ZNF385B: variants seen among roughly 807,000 people sequenced by gnomAD.
ZNF385B encodes the protein zinc finger protein 533.
A neutral mutation model predicts 39.2 loss-of-function variants in ZNF385B; 23 were observed. The ratio of observed to expected loss-of-function variants is 0.59; its 90% CI spans 0.42 to 0.83. The LOEUF (loss-of-function observed/expected upper bound fraction) is 0.83. ZNF385B is among the 40% of genes least tolerant of loss of function. ZNF385B has a pLI of 0.00. For synonymous variants in ZNF385B, 205 were observed against 222.6 expected (o/e 0.92, Z 0.70); for missense variants, 552 against 598.9 (o/e 0.92, Z 0.82).
chr2:179,750,586 T>C (rs913838172), intron 3 of ZNF385B, among the ~76,000 whole-genome samples: 1 of 152,116 alleles, frequency 6.6e-6, no homozygotes. Context: ...AGGTGTAATC[T>C]GACATATTTT....
intron 1 of ZNF385B, chr2:179,802,416 T>TCTA (rs1320301848): frequency 1.3e-5 from 2 of 152,130 alleles, no homozygotes; most frequent in Non-Finnish European, 2.9e-5. Context: ...CATTCTGCTC[T>TCTA]CTACATCTTA....
intron 5 of ZNF385B, among the ~76,000 whole-genome samples, chr2:179,509,113 A>G (rs939901400): frequency 1.8e-4 from 28 of 151,978 alleles, no homozygotes; most frequent in Non-Finnish European, 8.8e-5. Context: ...CGCCAGATTA[A>G]TTTTTTGTAT....
intron 5 of ZNF385B, among the ~76,000 whole-genome samples, chr2:179,498,715 C>A (rs1377167221): frequency 6.6e-6 from 1 of 151,570 alleles, no homozygotes; most frequent in African/African-American, 2.4e-5. Context: ...GTTTTAAGTG[C>A]CTACATCAAA....
intron 3 of ZNF385B, among the ~76,000 whole-genome samples, chr2:179,678,359 T>C (rs1182285354): frequency 6.6e-6 from 1 of 152,202 alleles, no homozygotes; most frequent in Non-Finnish European, 1.5e-5. Context: ...AAGCCTATAT[T>C]TCCCAGCCTC....
chr2:179,614,728 T>G (rs1428613122), intron 3 of ZNF385B, among the ~76,000 whole-genome samples: 3 of 152,198 alleles, frequency 2.0e-5, no homozygotes, highest in Non-Finnish European at 2.9e-5. Context: ...AAAAGCTTGG[T>G]CTTCCGTCAG....
chr2:179,564,972 C>G (rs948800090), intron 3 of ZNF385B, among the ~76,000 whole-genome samples: 1 of 152,172 alleles, frequency 6.6e-6, no homozygotes, highest in Non-Finnish European at 1.5e-5. Flanking sequence ...TGACTTCTCC[C>G]TCTTCCTTGT....
chr2:179,529,274 C>A (rs937339020), intron 4 of ZNF385B, among the ~76,000 whole-genome samples: 1 of 152,070 alleles, frequency 6.6e-6, no homozygotes, highest in Non-Finnish European at 1.5e-5. Flanking sequence ...AGGTAATGAG[C>A]CGAATTATGT....
intron 6 of ZNF385B, among the ~76,000 whole-genome samples, chr2:179,453,710 A>G (rs1421436616): frequency 6.6e-6 from 1 of 152,176 alleles, no homozygotes; most frequent in Non-Finnish European, 1.5e-5. Flanking sequence ...ATGATTTGAA[A>G]GGTGGCCTGG....
At chr2:179,652,460 T>C (rs1008933191) in intron 3 of ZNF385B, among the ~76,000 whole-genome samples, 17 of 152,250 alleles carry the variant, frequency 1.1e-4, no homozygotes, top group African/African-American at 4.1e-4. Flanking sequence ...AAGTGAGTAC[T>C]TACGGGATTC....
chr2:179,518,734 A>ATTCTTTC, intron 4 of ZNF385B, 96 bp from the exon 5 acceptor site: 1 of 666,724 alleles, frequency 1.5e-6, no homozygotes. Flanking sequence ...ATAAAGTTTA[A>ATTCTTTC]ACTTTTAGTT....
At chr2:179,751,621 T>C (rs1331588789) in intron 3 of ZNF385B, among the ~76,000 whole-genome samples, 2 of 133,898 alleles carry the variant, frequency 1.5e-5, no homozygotes, top group African/African-American at 2.6e-5. Flanking sequence ...TTCTTGAATG[T>C]AGAATAGGAA....
intron 3 of ZNF385B, among the ~76,000 whole-genome samples, chr2:179,588,324 G>A (rs1213829215): frequency 2.6e-5 from 4 of 152,034 alleles, no homozygotes; most frequent in South Asian, 2.1e-4. Flanking sequence ...TCCTGACCTC[G>A]TGATCCGCCC....
chr2:179,460,493 G>T (rs1344950372), intron 6 of ZNF385B, among the ~76,000 whole-genome samples: 1 of 152,150 alleles, frequency 6.6e-6, no homozygotes, highest in Non-Finnish European at 1.5e-5. Context: ...TAAGATATAG[G>T]TGTAGTTAAA....
intron 3 of ZNF385B, among the ~76,000 whole-genome samples, chr2:179,687,382 T>C (rs1200643209): frequency 3.3e-5 from 5 of 152,158 alleles, no homozygotes; most frequent in Admixed American, 6.6e-5. Flanking sequence ...ATCTGCTATT[T>C]CTGATTCTCT....
intron 6 of ZNF385B, among the ~76,000 whole-genome samples, chr2:179,460,072 C>A (rs554549711): frequency 6.6e-6 from 1 of 151,920 alleles, no homozygotes; most frequent in Admixed American, 6.6e-5. Context: ...CCACTGCACT[C>A]CAGCCTGGGC....
intron 5 of ZNF385B, among the ~76,000 whole-genome samples, chr2:179,493,685 A>G (rs2055657390): frequency 9.7e-6 from 1 of 103,328 alleles, no homozygotes; most frequent in South Asian, 3.0e-4. Flanking sequence ...ATATACATAT[A>G]CACATATATA....
Position 179,480,878 on chromosome 2 carries a change from A to T in ZNF385B, c.715+2394T>A, listed in dbSNP as rs960386161. On this transcript the variant is annotated intron_variant, in intron 6 of 9. Coordinates refer to ENST00000410066, the MANE Select transcript of ZNF385B (RefSeq NM_152520.6). ...AGATTTTGAGTAAGGAAACATGAAA[A>T]ATGAGATAACCTCCAAATATAGGTG... The T allele has an allele frequency of 3.3e-5, 5 of 152,194 alleles. No individual in the cohort carries two copies. In the South Asian group the frequency reaches 1.0e-3, roughly 32 times the overall value. The allele number at this position is 152,194 out of a possible 1,614,324, so 9.4% of individuals were successfully genotyped here.
chr2:179,649,467 C>T (rs1693017196), intron 3 of ZNF385B, among the ~76,000 whole-genome samples: 3 of 152,228 alleles, frequency 2.0e-5, no homozygotes, highest in East Asian at 3.9e-4. Context: ...GGGTAACTCA[C>T]TTAGAAAAGA....
At chr2:179,795,259 A>T (rs541955809) in intron 1 of ZNF385B, among the ~76,000 whole-genome samples, 139 of 55,456 alleles carry the variant, frequency 2.5e-3, no homozygotes, top group African/African-American at 0.011. Flanking sequence ...CTTTCAGGGG[A>T]AAAAAAGCAG....
Sources: gnomAD v4.1 joint callset for allele counts (sites outside exome capture counted in the v4.1 genomes callset) on GRCh38, gnomAD v4.1.1 for gene constraint, MANE v1.5 for transcripts, NCBI Gene and HGNC (gene_info 2026-07-23, HGNC 2026-07-21) for gene names.